The following RABGAP1L variants were observed in gnomAD, a reference collection of about 807,000 sequenced individuals.
RABGAP1L encodes RAB GTPase activating protein 1 like, also known as rab GTPase-activating protein 1-like.
Under a neutral mutation model 137.7 loss-of-function variants are expected in RABGAP1L, and 63 were observed. The ratio of observed to expected loss-of-function variants is 0.46; its 90% CI spans 0.37 to 0.56. RABGAP1L has a LOEUF of 0.56. Among genes scored for constraint, RABGAP1L ranks in the 20% least tolerant of loss-of-function variants. The pLI, the probability that RABGAP1L is intolerant of heterozygous loss-of-function variation, is 0.00. For missense variants in RABGAP1L, 1,095 were observed against 1,244.0 expected, an observed-to-expected ratio of 0.88 and a Z score of 1.80; for synonymous variants, 431 against 433.7, an observed-to-expected ratio of 0.99 and a Z score of 0.08.
At chr1:174,973,986 T>G (rs1894678) in intron 21 of RABGAP1L, among the ~76,000 whole-genome samples, 3,781 of 78,688 alleles carry the variant, frequency 0.048, 185 homozygotes, top group African/African-American at 0.27. Flanking sequence ...TTTGTTTTTT[T>G]TTTTTTTTTT....
chr1:174,809,184 ATCTCT>A (rs901841015), intron 18 of RABGAP1L, among the ~76,000 whole-genome samples: 9 of 152,166 alleles, frequency 5.9e-5, no homozygotes, highest in African/African-American at 2.2e-4. Context: ...TGGTTGCCAG[ATCTCT>A]TCTCTTCTTG....
Position 174,746,450 on chromosome 1 carries a change from A to G in RABGAP1L, c.2170-5863A>G, listed in dbSNP as rs370548040. On this transcript the variant is annotated intron_variant, in intron 17 of 25. Transcript: ENST00000681986. ...AAGTTGGGTTTTTGTTGCCTCATAT[A>G]CTGCAAGCAGTCAGCTACTTTTTTT... Among the ~76,000 whole-genome samples the G allele has an allele frequency of 5.9e-5, 9 of 152,332 alleles. No homozygotes were observed. In the South Asian group the frequency reaches 1.0e-3, roughly 18 times the overall value.
chr1:174,454,345 C>T (rs1655795930), intron 13 of RABGAP1L, among the ~76,000 whole-genome samples: 1 of 152,130 alleles, frequency 6.6e-6, no homozygotes, highest in African/African-American at 2.4e-5. Flanking sequence ...ACAAATAACA[C>T]TATCCAATAA....
At chr1:174,678,461 A>G (rs2148466903) in intron 14 of RABGAP1L, among the ~76,000 whole-genome samples, 1 of 152,024 alleles carries the variant, frequency 6.6e-6, no homozygotes, top group South Asian at 2.1e-4. Flanking sequence ...AAACCCCCAC[A>G]AAACAAAACA....
At chr1:174,584,085 T>C (rs1668938401) in intron 13 of RABGAP1L, among the ~76,000 whole-genome samples, 1 of 152,090 alleles carries the variant, frequency 6.6e-6, no homozygotes, top group Admixed American at 6.6e-5. Context: ...TAAAGAAGAT[T>C]GAGAAACATG....
intron 20 of RABGAP1L, among the ~76,000 whole-genome samples, chr1:174,967,317 C>T (rs1359442392): frequency 1.3e-5 from 2 of 149,274 alleles, no homozygotes; most frequent in Non-Finnish European, 3.0e-5. Flanking sequence ...GTGCACACCA[C>T]ACCACCCAGC....
intron 17 of RABGAP1L, among the ~76,000 whole-genome samples, chr1:174,721,903 T>C (rs955969726): frequency 7.2e-5 from 11 of 152,220 alleles, no homozygotes; most frequent in African/African-American, 2.7e-4. Context: ...ATACCTTTTT[T>C]ATTTAAAGAG....
At chr1:174,709,538 T>C (rs1187182139) in intron 17 of RABGAP1L, among the ~76,000 whole-genome samples, 1 of 152,134 alleles carries the variant, frequency 6.6e-6, no homozygotes, top group Non-Finnish European at 1.5e-5. Flanking sequence ...GGCAAACAGG[T>C]TCTGCAGTGG....
At chr1:174,339,260 ATTGACT>A (rs1297452752) in intron 11 of RABGAP1L, among the ~76,000 whole-genome samples, 1 of 152,172 alleles carries the variant, frequency 6.6e-6, no homozygotes, top group Non-Finnish European at 1.5e-5. Flanking sequence ...AATTTCATAG[ATTGACT>A]TTGTTCTTAA....
intron 18 of RABGAP1L, among the ~76,000 whole-genome samples, chr1:174,753,809 C>T (rs1339124369): frequency 1.3e-5 from 2 of 152,058 alleles, no homozygotes; most frequent in Non-Finnish European, 2.9e-5. Flanking sequence ...TAAGGAGGTC[C>T]AAGAAAGTTC....
chr1:174,310,772 T>G (rs1170782311), intron 11 of RABGAP1L, among the ~76,000 whole-genome samples: 1 of 152,172 alleles, frequency 6.6e-6, no homozygotes, highest in Non-Finnish European at 1.5e-5. Flanking sequence ...GGTATTTTGG[T>G]AAAGAATGCA....
chr1:174,574,203 G>T lies in RABGAP1L; in HGVS notation c.1711-63172G>T, dbSNP rs529150989. Among the ~76,000 whole-genome samples the T allele has an allele frequency of 6.6e-5, 10 of 152,090 alleles. No individual in the cohort carries two copies. In the East Asian group the frequency reaches 1.9e-3, roughly 29 times the overall value. ...CACAGATTTAAGCCATTTTCTCATG[G>T]AACTGCCCTTATTAAACAATTGATT... On this transcript the variant is annotated intron_variant, in intron 13 of 25. Coordinates refer to ENST00000681986, the MANE Select transcript of RABGAP1L (RefSeq NM_001366446.1).
chr1:174,888,681 A>G (rs1007530701), intron 19 of RABGAP1L, among the ~76,000 whole-genome samples: 28 of 152,044 alleles, frequency 1.8e-4, no homozygotes, highest in African/African-American at 6.0e-4. Flanking sequence ...TTTTTTTAGT[A>G]GAGATGAGGT....
At chr1:174,845,435 AG>A (rs1402462706) in intron 19 of RABGAP1L, among the ~76,000 whole-genome samples, 1 of 44,198 alleles carries the variant, frequency 2.3e-5, no homozygotes, top group Non-Finnish European at 5.2e-5. Context: ...TTTAGCATGA[AG>A]GGTTGTTGAA....
chr1:174,661,973 A>G (rs1299511940), intron 14 of RABGAP1L, among the ~76,000 whole-genome samples: 2 of 152,148 alleles, frequency 1.3e-5, no homozygotes, highest in Non-Finnish European at 2.9e-5. Context: ...CTATATTACT[A>G]GTTTATGTGT....
At chr1:174,649,470 G>T (rs1025264490) in intron 14 of RABGAP1L, among the ~76,000 whole-genome samples, 1 of 152,042 alleles carries the variant, frequency 6.6e-6, no homozygotes, top group African/African-American at 2.4e-5. Flanking sequence ...ATCTTAGTTT[G>T]GCTGGATATG....
chr1:174,529,838 T>C (rs2147881569), intron 13 of RABGAP1L, among the ~76,000 whole-genome samples: 1 of 152,124 alleles, frequency 6.6e-6, no homozygotes, highest in East Asian at 2.0e-4. Context: ...ATGTTAGTTG[T>C]AGTGGTATTA....
intron 22 of RABGAP1L, among the ~76,000 whole-genome samples, chr1:174,977,484 T>G (rs2149379915): frequency 6.6e-6 from 1 of 152,358 alleles, no homozygotes; most frequent in South Asian, 2.1e-4. Context: ...TATACTAGCC[T>G]GTAAGCAATT....
chr1:174,322,114 T>G (rs1228929135), intron 11 of RABGAP1L, among the ~76,000 whole-genome samples: 1 of 152,216 alleles, frequency 6.6e-6, no homozygotes, highest in Non-Finnish European at 1.5e-5. Flanking sequence ...TTCTTTTCCT[T>G]TATGATTTAT....
Sources: gnomAD v4.1 joint callset for allele counts (sites outside exome capture counted in the v4.1 genomes callset) on GRCh38, gnomAD v4.1.1 for gene constraint, MANE v1.5 for transcripts, NCBI Gene and HGNC (gene_info 2026-07-23, HGNC 2026-07-21) for gene names.